ITK: variants seen among roughly 807,000 people sequenced by gnomAD.
The protein encoded by ITK is IL2 inducible T cell kinase, also known as tyrosine-protein kinase ITK/TSK.
Under a neutral mutation model 87.6 loss-of-function variants are expected in ITK, and 45 were observed. That is an observed-to-expected ratio of 0.51 (90% CI 0.40 to 0.66). The LOEUF (loss-of-function observed/expected upper bound fraction) is 0.66, where lower values mean the gene tolerates loss of function less well. ITK is among the 30% of genes least tolerant of loss of function. The probability of loss-of-function intolerance (pLI) is 0.00; values close to 1 mark genes in which losing one functional copy is unlikely to be tolerated. For synonymous variants in ITK, 303 were observed against 273.6 expected, an observed-to-expected ratio of 1.11 and a Z score of -1.06; for missense variants, 605 against 766.3, an observed-to-expected ratio of 0.79 and a Z score of 2.48.
rs549747344 is a variant in ITK, at chr5:157,231,389, A to T, written c.714-951A>T. Among the ~76,000 whole-genome samples, 41 of 152,304 alleles carry T rather than the reference A, an allele frequency of 2.7e-4. 1 individual carries two copies. The South Asian group carries it at 7.3e-3, about 27-fold the overall frequency. The stretch of plus-strand genomic sequence containing the variant: ...CTCTAGGCAGCCACTACTATCGCTG[A>T]TGGCCTGTGTGTGAGATGAAGCCTA... On this transcript the variant is annotated intron_variant, in intron 7 of 16. Coordinates refer to ENST00000422843, the MANE Select transcript of ITK (RefSeq NM_005546.4).
At chr5:157,209,088 C>A (rs1381279193) in intron 2 of ITK, 95 bp downstream of exon 2, 1 of 860,192 alleles carries the variant, frequency 1.2e-6, no homozygotes, top group Admixed American at 1.9e-5. Flanking sequence ...GTAATCCTAG[C>A]ACTTTGGGAG....
At chr5:157,221,968 T>C (rs1025782274) in intron 5 of ITK, among the ~76,000 whole-genome samples, 1 of 151,852 alleles carries the variant, frequency 6.6e-6, no homozygotes, top group Admixed American at 6.6e-5. Flanking sequence ...CTGGGCAACA[T>C]AGTGAGACCC....
Position 157,201,257 on chromosome 5 carries a change from G to A in ITK, c.139-7632G>A, listed in dbSNP as rs146903794. Among the ~76,000 whole-genome samples, 4 of 150,604 alleles carry A rather than the reference G, an allele frequency of 2.7e-5. No individual in the cohort carries two copies. In the East Asian group the frequency reaches 7.8e-4, roughly 29 times the overall value. ...ACATTATACTTAATGGTGAAAGACT[G>A]AGTGCTTTATCTGTAAGTTTGGGAA... On this transcript the variant is annotated intron_variant, in intron 1 of 16. Coordinates refer to ENST00000422843, the MANE Select transcript of ITK (RefSeq NM_005546.4).
In ITK at chr5:157,200,511, C is replaced by T. The variant is rs141668891; in HGVS notation, c.139-8378C>T. Among the ~76,000 whole-genome samples, 205 of 152,272 alleles carry T rather than the reference C, an allele frequency of 1.3e-3. 2 individuals carry two copies. Among genetic ancestry groups the T allele is most frequent in the African/African-American group, 4.7e-3 (195 of 41,544 alleles). Reference sequence around the variant, plus strand: ...CCCAGAGACTGAACTGTGTCGGGCTCATTGACCAGCCACCCCCCGGGGACC... The same window carrying T: ...CCCAGAGACTGAACTGTGTCGGGCTTATTGACCAGCCACCCCCCGGGGACC... On this transcript the variant is annotated intron_variant, in intron 1 of 16. Coordinates refer to ENST00000422843, the MANE Select transcript of ITK (RefSeq NM_005546.4).
In ITK at chr5:157,252,752, T is replaced by A; in HGVS notation, c.*74T>A. Reference sequence around the variant, plus strand: ...GATATGTCCTCATTCCATAGAGCATTAGAAGCTGCCACCAGCCCAGGACCC... The same window carrying A: ...GATATGTCCTCATTCCATAGAGCATAAGAAGCTGCCACCAGCCCAGGACCC... On this transcript the variant is annotated 3_prime_UTR_variant, in exon 17 of 17. Coordinates refer to ENST00000422843, the MANE Select transcript of ITK (RefSeq NM_005546.4). 8.3e-7 allele frequency: 1 copy of A among 1,209,742 alleles called. No individual in the cohort carries two copies. The highest frequency in any genetic ancestry group is 1.2e-5 in the South Asian group (1 of 82,824). 74.9% of individuals were successfully genotyped at this position (1,209,742 alleles called of 1,614,324 possible).
chr5:157,232,012 A>G (rs1754667032), intron 7 of ITK, among the ~76,000 whole-genome samples: 1 of 152,168 alleles, frequency 6.6e-6, no homozygotes, highest in Non-Finnish European at 1.5e-5. Context: ...AATGTATACA[A>G]AAGTAAAGAT....
chr5:157,181,439 T>C (rs1162751379), intron 1 of ITK, among the ~76,000 whole-genome samples: 2 of 152,204 alleles, frequency 1.3e-5, no homozygotes, highest in Non-Finnish European at 2.9e-5. Context: ...AACTTGAACT[T>C]TCTATGAAAC....
At chr5:157,196,725 C>T (rs1011283533) in intron 1 of ITK, among the ~76,000 whole-genome samples, 4 of 152,162 alleles carry the variant, frequency 2.6e-5, no homozygotes, top group Non-Finnish European at 4.4e-5. Context: ...AATTGAACAT[C>T]GCCTCAGTGC....
chr5:157,248,782 G>T, intron 15 of ITK, 68 bp from the exon 16 acceptor site: 1 of 1,565,028 alleles, frequency 6.4e-7, no homozygotes, highest in African/African-American at 1.4e-5. Flanking sequence ...AATTTCTAGA[G>T]GCAGGTTGGT....
In ITK at chr5:157,243,616, C is replaced by T. The variant is rs777847877; in HGVS notation, c.1061-7C>T. The stretch of plus-strand genomic sequence containing the variant: ...TGACCCCAGAGAACTCTCTCTCTCT[C>T]TTCCAGGGAAATGGGTGATCGACCC... On this transcript the variant is annotated splice_polypyrimidine_tract_variant and splice_region_variant and intron_variant, in intron 11 of 16. Transcript: ENST00000422843. 1.2e-6 allele frequency: 2 copies of T among 1,611,932 alleles called. No homozygotes were observed. The highest frequency in any genetic ancestry group is 8.5e-7 in the Non-Finnish European group (1 of 1,179,618).
intron 11 of ITK, among the ~76,000 whole-genome samples, chr5:157,242,874 G>A (rs773640387): frequency 2.6e-5 from 4 of 152,182 alleles, no homozygotes; most frequent in South Asian, 2.1e-4. Flanking sequence ...CACCGTGTCC[G>A]GCACACAGTA....
rs561331374 is a variant in ITK, at chr5:157,211,692, T to C, written c.325+324T>C. ...AGTAAAACCTAAAATATTTACTGTC[T>C]GGCCTTTTAAGAACAAATTTGCCAA... On this transcript the variant is annotated intron_variant, in intron 3 of 16. Coordinates refer to ENST00000422843, the MANE Select transcript of ITK (RefSeq NM_005546.4). Among the ~76,000 whole-genome samples the C allele has an allele frequency of 1.3e-5, 2 of 152,350 alleles. 1 individual carries two copies. The highest frequency in any genetic ancestry group is 4.1e-4 in the South Asian group (2 of 4,828).
At chr5:157,211,478 C>A in intron 3 of ITK, 110 bp downstream of exon 3, 1 of 955,246 alleles carries the variant, frequency 1.0e-6, no homozygotes, top group African/African-American at 1.6e-5. Context: ...GCTGATTTCT[C>A]TTTTGGGGTT....
intron 1 of ITK, among the ~76,000 whole-genome samples, chr5:157,181,680 A>G: frequency 6.6e-6 from 1 of 152,182 alleles, no homozygotes; most frequent in East Asian, 1.9e-4. Context: ...TTAATTATCT[A>G]AAAGTTGTAA....
rs114619982 is a variant in ITK at position 157,194,201 on chromosome 5, G to A, written c.138+13086G>A. On this transcript the variant is annotated intron_variant, in intron 1 of 16. Coordinates refer to ENST00000422843, the MANE Select transcript of ITK (RefSeq NM_005546.4). ...AGAAGGTAATTCTACTTACCTTCAC[G>A]ACTGCGAGCATCTCAGCCAGTTTCT... Among the ~76,000 whole-genome samples, 657 of 152,144 alleles carry A rather than the reference G, an allele frequency of 4.3e-3. 5 individuals carry two copies. Among genetic ancestry groups the A allele is most frequent in the African/African-American group, 0.015 (627 of 41,484 alleles).
At chr5:157,186,327 C>T (rs1360761599) in intron 1 of ITK, among the ~76,000 whole-genome samples, 1 of 151,564 alleles carries the variant, frequency 6.6e-6, no homozygotes, top group Non-Finnish European at 1.5e-5. Flanking sequence ...AGGACAAATC[C>T]TTGTCTTTAT....
At chr5:157,185,687 A>C (rs906626255) in intron 1 of ITK, among the ~76,000 whole-genome samples, 5 of 151,808 alleles carry the variant, frequency 3.3e-5, no homozygotes, top group African/African-American at 1.2e-4. Context: ...CTCCACAAAA[A>C]AAAAAAAAAA....
At chr5:157,246,809 A>G (rs974610705) in intron 15 of ITK, among the ~76,000 whole-genome samples, 2 of 152,184 alleles carry the variant, frequency 1.3e-5, no homozygotes, top group African/African-American at 2.4e-5. Context: ...GCATCCAAAG[A>G]ACAAGGGGTA....
rs1007738422 is a variant in ITK at position 157,252,649 on chromosome 5, C to A, written c.1834C>A (p.Leu612Met). The A allele has an allele frequency of 1.2e-6, 2 of 1,614,000 alleles. No homozygotes were observed. Among genetic ancestry groups the A allele is most frequent in the Non-Finnish European group, 1.7e-6 (2 of 1,179,932 alleles). Residue 612 changes from leucine to methionine, a missense_variant, in exon 17 of 17, where the codon CTG (leucine) becomes ATG (methionine). Physicochemically the swap from Leu to Met is conservative, Grantham distance 15. Coordinates refer to ENST00000422843, the MANE Select transcript of ITK (RefSeq NM_005546.4). ...AGCCTTCTCCAGACTGCTGCGTCAA[C>A]TGGCTGAAATTGCAGAATCAGGACT... ...RPAFSRLLRQLAEIAESGL is the reference protein window; with the variant it reads ...RPAFSRLLRQMAEIAESGL
Sources: allele counts gnomAD v4.1 joint callset (sites outside exome capture counted in the v4.1 genomes callset), GRCh38; gene constraint gnomAD v4.1.1; transcripts MANE v1.5; gene names NCBI Gene and HGNC (gene_info 2026-07-23, HGNC 2026-07-21).